KAZN: variants seen among roughly 807,000 people sequenced by gnomAD.
KAZN encodes kazrin.
Under a neutral mutation model 87.4 loss-of-function variants are expected in KAZN, and 40 were observed. That is an observed-to-expected ratio of 0.46 (90% CI 0.36 to 0.60). KAZN has a LOEUF of 0.60. Ranked by LOEUF, KAZN falls within the 20% of genes least tolerant of loss-of-function variation. The pLI is 0.00. For synonymous variants in KAZN, 466 were observed against 458.3 expected, an observed-to-expected ratio of 1.02 and a Z score of -0.22; for missense variants, 898 against 1,073.9, an observed-to-expected ratio of 0.84 and a Z score of 2.29.
At chr1:14,357,412 A>C (rs1026347497) in intron 2 of KAZN, among the ~76,000 whole-genome samples, 2 of 152,070 alleles carry the variant, frequency 1.3e-5, no homozygotes, top group Non-Finnish European at 2.9e-5. Context: ...AATACCCTTT[A>C]TTTCTTTCTC....
At chr1:14,120,660 A>T (rs1054622326) in intron 1 of KAZN, among the ~76,000 whole-genome samples, 3 of 152,070 alleles carry the variant, frequency 2.0e-5, no homozygotes, top group Non-Finnish European at 4.4e-5. Flanking sequence ...AACCTAAAGG[A>T]GGTAGGGAGG....
intron 2 of KAZN, among the ~76,000 whole-genome samples, chr1:14,589,501 G>T (rs993625131): frequency 6.6e-6 from 1 of 152,182 alleles, no homozygotes; most frequent in African/African-American, 2.4e-5. Context: ...GCAGATGGCT[G>T]CAGGAACAGC....
intron 1 of KAZN, among the ~76,000 whole-genome samples, chr1:14,897,666 T>C (rs1295339243): frequency 2.0e-5 from 3 of 152,208 alleles, no homozygotes; most frequent in Admixed American, 6.5e-5. Context: ...TTTACACTTT[T>C]GCAAATCCCT....
chr1:14,777,154 A>ATTT (rs55767259), intron 1 of KAZN, among the ~76,000 whole-genome samples: 375 of 67,838 alleles, frequency 5.5e-3, no homozygotes, highest in African/African-American at 0.015. Flanking sequence ...CACCCAGCTA[A>ATTT]TTTTTTTTTT....
At chr1:14,784,499 C>G (rs1357903005) in intron 1 of KAZN, among the ~76,000 whole-genome samples, 1 of 152,178 alleles carries the variant, frequency 6.6e-6, no homozygotes, top group Non-Finnish European at 1.5e-5. Flanking sequence ...CAGCTCACAC[C>G]TGTAATCCCA....
chr1:14,906,456 G>A (rs1056491391), intron 1 of KAZN, among the ~76,000 whole-genome samples: 1 of 151,992 alleles, frequency 6.6e-6, no homozygotes, highest in East Asian at 1.9e-4. Flanking sequence ...TGGGTCATGA[G>A]AGGAAGTTAG....
intron 1 of KAZN, among the ~76,000 whole-genome samples, chr1:14,100,358 C>T (rs1644222446): frequency 6.6e-6 from 1 of 152,168 alleles, no homozygotes; most frequent in Non-Finnish European, 1.5e-5. Context: ...CCAGGACCAC[C>T]CCCAAGTGCA....
intron 2 of KAZN, among the ~76,000 whole-genome samples, chr1:14,483,227 A>G (rs1669176567): frequency 6.6e-6 from 1 of 152,202 alleles, no homozygotes; most frequent in South Asian, 2.1e-4. Context: ...AGGGAGAGTC[A>G]CATCAAAATA....
At chr1:13,927,410 T>G (rs1370936435) in intron 1 of KAZN, among the ~76,000 whole-genome samples, 4 of 152,216 alleles carry the variant, frequency 2.6e-5, no homozygotes, top group Non-Finnish European at 4.4e-5. Context: ...CTAAAAGGGT[T>G]TGAGCAGGAG....
At chr1:14,958,890 C>T (rs1388149435) in intron 1 of KAZN, among the ~76,000 whole-genome samples, 1 of 152,092 alleles carries the variant, frequency 6.6e-6, no homozygotes, top group African/African-American at 2.4e-5. Context: ...AGGTGGCCAG[C>T]GCAAGGCTGG....
At chr1:15,087,729 T>G (rs535376245) in intron 8 of KAZN, among the ~76,000 whole-genome samples, 1 of 152,234 alleles carries the variant, frequency 6.6e-6, no homozygotes. Context: ...TTACATGTTC[T>G]GTAGGCACAT....
At position 14,972,762 on chromosome 1, in the gene KAZN, A is replaced by T. The variant is rs185693564; in HGVS notation, c.418+11887A>T. Among the ~76,000 whole-genome samples the T allele has an allele frequency of 5.1e-3, 783 of 152,112 alleles. 11 individuals carry two copies. Among genetic ancestry groups the T allele is most frequent in the African/African-American group, 0.017 (725 of 41,480 alleles). On this transcript the variant is annotated intron_variant, in intron 2 of 14. Coordinates refer to ENST00000376030, the MANE Select transcript of KAZN (RefSeq NM_201628.3). The stretch of plus-strand genomic sequence containing the variant: ...ACTCCTGACCTCAAGTGATTCGCCC[A>T]CTGTGGCCTCCCAAAGTGCTGGGAT...
chr1:14,001,449 A>G (rs1570494935), intron 1 of KAZN, among the ~76,000 whole-genome samples: 1 of 152,244 alleles, frequency 6.6e-6, no homozygotes, highest in African/African-American at 2.4e-5. Flanking sequence ...TTTAAATTCA[A>G]TGTTATTCCT....
At chr1:14,860,528 T>C (rs1041844550) in intron 1 of KAZN, among the ~76,000 whole-genome samples, 1 of 152,172 alleles carries the variant, frequency 6.6e-6, no homozygotes, top group Non-Finnish European at 1.5e-5. Flanking sequence ...TTCTCTTCTT[T>C]CTGGCACTGT....
intron 1 of KAZN, among the ~76,000 whole-genome samples, chr1:14,140,138 C>A (rs1199961400): frequency 6.6e-6 from 1 of 152,046 alleles, no homozygotes; most frequent in African/African-American, 2.4e-5. Context: ...AGGTGATGTA[C>A]AGGGTAGTCC....
chr1:14,722,098 G>A (rs942007567), intron 1 of KAZN, among the ~76,000 whole-genome samples: 12 of 151,950 alleles, frequency 7.9e-5, no homozygotes, highest in African/African-American at 2.4e-4. Flanking sequence ...GTTGCAGTGA[G>A]CTGAGACTGC....
At chr1:14,332,809 T>G (rs949910894) in intron 2 of KAZN, among the ~76,000 whole-genome samples, 2 of 152,188 alleles carry the variant, frequency 1.3e-5, no homozygotes, top group Non-Finnish European at 2.9e-5. Flanking sequence ...GTTCATCACG[T>G]GGCTGCAAAG....
intron 2 of KAZN, among the ~76,000 whole-genome samples, chr1:14,385,201 C>T (rs1389882090): frequency 6.6e-6 from 1 of 152,140 alleles, no homozygotes; most frequent in Non-Finnish European, 1.5e-5. Flanking sequence ...TTTGGTTCTT[C>T]TTTTTTTCTT....
chr1:14,901,750 G>A (rs1056968692), intron 1 of KAZN, among the ~76,000 whole-genome samples: 2 of 152,210 alleles, frequency 1.3e-5, no homozygotes, highest in Non-Finnish European at 2.9e-5. Flanking sequence ...CGGACAGCCT[G>A]GCGTCCAAGG....
Sources: gnomAD v4.1 joint callset for allele counts (sites outside exome capture counted in the v4.1 genomes callset) on GRCh38, gnomAD v4.1.1 for gene constraint, MANE v1.5 for transcripts, NCBI Gene and HGNC (gene_info 2026-07-23, HGNC 2026-07-21) for gene names.